Variants in CCNI observed in about 807,000 individuals in gnomAD.
CCNI encodes cyclin I, also known as cyclin-I.
In CCNI, 14 loss-of-function variants were observed where a neutral mutation model predicts 34.1. The observed-to-expected ratio is 0.41, with a 90% confidence interval of 0.27 to 0.64. The LOEUF (loss-of-function observed/expected upper bound fraction) is 0.64, where lower values mean the gene tolerates loss of function less well. Ranked by LOEUF, CCNI falls within the 30% of genes least tolerant of loss-of-function variation. CCNI has a pLI of 0.31. For missense variants in CCNI, 385 were observed against 440.5 expected (o/e 0.87, Z 1.13); for synonymous variants, 154 against 158.4 (o/e 0.97, Z 0.21).
At chr4:77,071,960 A>C (rs4252795) in intron 1 of CCNI, among the ~76,000 whole-genome samples, 3 of 152,178 alleles carry the variant, frequency 2.0e-5, no homozygotes, top group Non-Finnish European at 4.4e-5. Flanking sequence ...AATTCTACCA[A>C]CCATTTTCAG....
chr4:77,072,793 T>C (rs1422386599), intron 1 of CCNI, among the ~76,000 whole-genome samples: 1 of 152,188 alleles, frequency 6.6e-6, no homozygotes, highest in Non-Finnish European at 1.5e-5. Context: ...ATGTATCAAA[T>C]GCTAAATTTA....
intron 2 of CCNI, among the ~76,000 whole-genome samples, chr4:77,065,858 G>C (rs973047460): frequency 6.6e-6 from 1 of 152,216 alleles, no homozygotes; most frequent in Non-Finnish European, 1.5e-5. Flanking sequence ...CTACCACTTT[G>C]GGAGGCCAAG....
At position 77,066,352 on chromosome 4, in the gene CCNI, G is replaced by A; in HGVS notation, c.11C>T (p.Pro4Leu). MKF[P>L]GPLENQRLSF... ...CAATCTCTGGTTTTCCAAAGGCCCTGGAAACTTCATGATATCCTTTGGATC... is the reference window on the plus strand; with the variant it reads ...CAATCTCTGGTTTTCCAAAGGCCCTAGAAACTTCATGATATCCTTTGGATC... Residue 4 changes from proline (P) to leucine (L), a missense_variant, in exon 2 of 7, where the codon CCA becomes CTA. Pro to Leu is a moderately conservative substitution (Grantham distance 98). This residue lies in a region of CCNI where 135 missense variants were observed against 191.8 expected (regional missense o/e 0.70). Transcript: ENST00000237654. 1 of 1,613,764 alleles carries A rather than the reference G, an allele frequency of 6.2e-7. No homozygotes were observed. The highest frequency in any genetic ancestry group is 1.1e-5 in the South Asian group (1 of 91,070).
At chr4:77,065,068 G>A (rs1222927885) in intron 2 of CCNI, 2 of 152,170 alleles carry the variant, frequency 1.3e-5, no homozygotes, top group Admixed American at 6.5e-5. Context: ...TATTAAATGA[G>A]ATAGCATATA....
At chr4:77,075,135 A>G (rs1042601004) in intron 1 of CCNI, 1 of 152,082 alleles carries the variant, frequency 6.6e-6, no homozygotes, top group Non-Finnish European at 1.5e-5. Flanking sequence ...TTGTGTATTA[A>G]CACGGGCTCG....
At position 77,058,369 on chromosome 4, in the gene CCNI, C is replaced by T. The variant is rs1728377744; in HGVS notation, c.243+138G>A. On this transcript the variant is annotated intron_variant, in intron 3 of 6. Transcript: ENST00000237654. ...ACAATAGCAGAAGACATCACCATGT[C>T]TTCTTATGGGTACATACATCATTCT... The T allele has an allele frequency of 2.4e-5, 13 of 538,906 alleles. No individual in the cohort carries two copies. In the South Asian group the frequency reaches 3.8e-4, roughly 16 times the overall value. 33.4% of individuals were successfully genotyped at this position (538,906 alleles called of 1,614,324 possible). A position where few individuals can be genotyped will look rare whatever the true frequency, so the allele number is the denominator to read the frequency against.
At chr4:77,059,203 T>G (rs1480291688) in intron 2 of CCNI, among the ~76,000 whole-genome samples, 2 of 152,090 alleles carry the variant, frequency 1.3e-5, no homozygotes, top group African/African-American at 2.4e-5. Flanking sequence ...ATTACTATTT[T>G]GAAAAATTTC....
intron 6 of CCNI, among the ~76,000 whole-genome samples, chr4:77,052,665 A>G (rs1727946061): frequency 6.6e-6 from 1 of 152,170 alleles, no homozygotes; most frequent in Non-Finnish European, 1.5e-5. Flanking sequence ...CATGTCGCAA[A>G]TAATTTTGGC....
At chr4:77,059,604 T>C (rs4252861) in intron 2 of CCNI, among the ~76,000 whole-genome samples, 11 of 152,238 alleles carry the variant, frequency 7.2e-5, no homozygotes, top group African/African-American at 2.2e-4. Context: ...CTTTCACTTA[T>C]TAATATTGAT....
chr4:77,048,409 C>T lies in CCNI; in HGVS notation c.944G>A (p.Gly315Glu), dbSNP rs762241574. 1 of 1,614,078 alleles carries T rather than the reference C, an allele frequency of 6.2e-7. No homozygotes were observed. Among genetic ancestry groups the T allele is most frequent in the Non-Finnish European group, 8.5e-7 (1 of 1,180,002 alleles). Residue 315 changes from glycine to glutamate, a missense_variant, in exon 7 of 7, where the codon GGG becomes GAG. This residue lies in a region of CCNI where 250 missense variants were observed against 248.7 expected (regional missense o/e 1.01). Transcript: ENST00000237654. ...AFYHHLPAAS[G>E]CKQTSTKRKV... Reference sequence around the variant, plus strand: ...GCGTTTAGTAGAGGTCTGCTTGCACCCACTGGCAGCTGGGAGATGATGGTA... The same window carrying T: ...GCGTTTAGTAGAGGTCTGCTTGCACTCACTGGCAGCTGGGAGATGATGGTA...
intron 6 of CCNI, among the ~76,000 whole-genome samples, chr4:77,053,835 T>C (rs1299792575): frequency 4.6e-5 from 7 of 152,202 alleles, no homozygotes; most frequent in Non-Finnish European, 1.0e-4. Flanking sequence ...CTGTGTCATA[T>C]TATTCATTTA....
intron 3 of CCNI, 47 bp from the exon 4 acceptor site, chr4:77,056,370 AC>A: frequency 7.1e-7 from 1 of 1,417,846 alleles, no homozygotes. Context: ...TTTTTCAAAA[AC>A]AATTTAACTT....
At chr4:77,067,151 G>C (rs964896666) in intron 1 of CCNI, among the ~76,000 whole-genome samples, 1 of 151,980 alleles carries the variant, frequency 6.6e-6, no homozygotes, top group Non-Finnish European at 1.5e-5. Flanking sequence ...AGAATCGTTT[G>C]AACCAGGGAG....
intron 1 of CCNI, among the ~76,000 whole-genome samples, chr4:77,071,105 G>A (rs888970587): frequency 3.9e-5 from 6 of 152,146 alleles, no homozygotes; most frequent in African/African-American, 1.2e-4. Context: ...TATTTTTAGG[G>A]GGTTTAGATG....
chr4:77,058,561 T>C lies in CCNI; in HGVS notation c.189A>G (p.Pro63=). 1 of 1,613,570 alleles carries C rather than the reference T, an allele frequency of 6.2e-7. No individual in the cohort carries two copies. Among genetic ancestry groups the C allele is most frequent in the Non-Finnish European group, 8.5e-7 (1 of 1,179,576 alleles). The change falls in exon 3 of 7, where the codon CCA becomes CCG. Residue 63 remains proline (P), a synonymous_variant. Coordinates refer to ENST00000237654, the MANE Select transcript of CCNI (RefSeq NM_006835.3). ...AKLKYQFNLY[P]ETFALASSLL... ...GACTGCTAGCCAGAGCAAATGTTTC[T>C]GGGTAAAGGTTGAATTGGTACTTGA...
rs754799880 is a variant in CCNI, at chr4:77,058,480, T to C, written c.243+27A>G. 1.6e-5 allele frequency: 26 copies of C among 1,586,256 alleles called. 1 individual carries two copies. In the South Asian group the frequency reaches 2.4e-4, roughly 14 times the overall value. On this transcript the variant is annotated intron_variant, in intron 3 of 6. Transcript: ENST00000237654. ...GCATACATACACTCAAATGAGGTTA[T>C]ATGTAAGTCTATCTTAAAACACTTA...
chr4:77,058,419 T>C (rs1388461735), intron 3 of CCNI, 88 bp downstream of exon 3: 2 of 1,028,482 alleles, frequency 1.9e-6, no homozygotes, highest in Non-Finnish European at 2.8e-6. Flanking sequence ...CACTTCTTTC[T>C]ACCTTACAGA....
rs1230275909 is a variant in CCNI at position 77,056,195 on chromosome 4, A to T, written c.318+54T>A. On this transcript the variant is annotated intron_variant, in intron 4 of 6. Transcript: ENST00000237654. ...GTTTTAGCAAACGAAGCAAGTTAAT[A>T]AATGTGGAGAGAAATTTTCACGGAA... 22 of 1,593,664 alleles carry T rather than the reference A, an allele frequency of 1.4e-5. 1 individual carries two copies. The Admixed American group carries it at 3.8e-4, about 27-fold the overall frequency.
chr4:77,064,720 T>C (rs1310127985), intron 2 of CCNI: 3 of 151,354 alleles, frequency 2.0e-5, no homozygotes, highest in African/African-American at 7.3e-5. Context: ...TACCCTGTCG[T>C]TCAGGCTGGA....
Sources: allele counts gnomAD v4.1 joint callset (sites outside exome capture counted in the v4.1 genomes callset), GRCh38; gene constraint gnomAD v4.1.1; regional missense constraint gnomAD v4.1.1; transcripts MANE v1.5; gene names NCBI Gene and HGNC (gene_info 2026-07-23, HGNC 2026-07-21).